KIAA0753: variants seen among roughly 807,000 people sequenced by gnomAD.
KIAA0753 encodes the protein KIAA0753, also known as protein moonraker.
Under a neutral mutation model 116.9 loss-of-function variants are expected in KIAA0753, and 114 were observed. The ratio of observed to expected loss-of-function variants is 0.98; its 90% CI spans 0.84 to 1.14. The LOEUF is 1.14. KIAA0753 is among the 50% of genes most tolerant of loss of function. KIAA0753 has a pLI of 0.00. For synonymous variants in KIAA0753, 405 were observed against 413.1 expected (o/e 0.98, Z 0.24); for missense variants, 1,156 against 1,172.4 (o/e 0.99, Z 0.20).
At chr17:6,635,785 G>C (rs1205520182) in intron 1 of KIAA0753, 2 of 126,916 alleles carry the variant, frequency 1.6e-5, no homozygotes, top group Non-Finnish European at 3.7e-5. Context: ...AAGCTATCAA[G>C]GGCTACACCC....
intron 8 of KIAA0753, among the ~76,000 whole-genome samples, chr17:6,611,149 G>A (rs953892576): frequency 1.3e-5 from 2 of 152,206 alleles, no homozygotes; most frequent in East Asian, 1.9e-4. Context: ...AGGGCCATAA[G>A]TAAGTTTTAA....
At chr17:6,633,250 G>A (rs1412801236) in intron 2 of KIAA0753, among the ~76,000 whole-genome samples, 4 of 152,240 alleles carry the variant, frequency 2.6e-5, no homozygotes, top group Non-Finnish European at 5.9e-5. Flanking sequence ...TGGGAGAAGA[G>A]TATCCAGGAA....
At chr17:6,587,854 CGTGA>C (rs376845763) in intron 18 of KIAA0753, among the ~76,000 whole-genome samples, 1 of 152,278 alleles carries the variant, frequency 6.6e-6, no homozygotes, top group African/African-American at 2.4e-5. Context: ...AAGAGACACA[CGTGA>C]GTGAGAAATG....
chr17:6,623,145 C>A (rs763480298), intron 5 of KIAA0753, 48 bp from the exon 6 acceptor site: 1 of 1,494,696 alleles, frequency 6.7e-7, no homozygotes. Flanking sequence ...TCAGAACTTG[C>A]TAACATTCAC....
In KIAA0753 at chr17:6,590,481, T is replaced by C. The variant is rs183634115; in HGVS notation, c.2561+29A>G. 5.3e-5 allele frequency: 85 copies of C among 1,612,708 alleles called. No individual in the cohort carries two copies. In the African/African-American group the frequency reaches 9.2e-4, roughly 17 times the overall value. On this transcript the variant is annotated intron_variant, in intron 17 of 18. Transcript: ENST00000361413. ...TAACATCAAAGGTGACTGACTAGAA[T>C]GAAATCAGAAAGTGTCTTTGCCACT...
At chr17:6,623,598 A>C in intron 4 of KIAA0753, 27 bp from the exon 5 acceptor site, 2 of 1,597,318 alleles carry the variant, frequency 1.3e-6, no homozygotes, top group Non-Finnish European at 1.7e-6. Context: ...AAAAAAGAAA[A>C]CTTCATACCT....
In KIAA0753 at chr17:6,627,986, A is replaced by C. The variant is rs1457983906; in HGVS notation, c.718+131T>G. The C allele has an allele frequency of 6.0e-6, 5 of 835,348 alleles. No homozygotes were observed. The East Asian group carries it at 1.3e-4, about 22-fold the overall frequency. 51.7% of individuals were successfully genotyped at this position (835,348 alleles called of 1,614,324 possible). On this transcript the variant is annotated intron_variant, in intron 3 of 18. Coordinates refer to ENST00000361413, the MANE Select transcript of KIAA0753 (RefSeq NM_014804.3). ...CCTAACTGTCTTGTCCTGAGTACTC[A>C]CACTCCAGTGAACCAACTCACAGAA...
At chr17:6,594,934 A>C (rs773119519) in intron 16 of KIAA0753, 38 bp downstream of exon 16, 1 of 1,497,142 alleles carries the variant, frequency 6.7e-7, no homozygotes, top group South Asian at 1.2e-5. Flanking sequence ...AATTCTTCAG[A>C]ATAAAATGTT....
chr17:6,609,333 C>T (rs1970388613), intron 9 of KIAA0753, among the ~76,000 whole-genome samples: 1 of 152,236 alleles, frequency 6.6e-6, no homozygotes, highest in African/African-American at 2.4e-5. Context: ...TACTGCCTCA[C>T]GGCAAACGAG....
intron 13 of KIAA0753, among the ~76,000 whole-genome samples, chr17:6,599,618 T>C (rs139995217): frequency 0.021 from 3,144 of 152,270 alleles, 104 homozygotes; most frequent in African/African-American, 0.07. Flanking sequence ...AATGAGGAAG[T>C]TGAACTACTT....
chr17:6,608,690 T>C (rs1049509567), intron 9 of KIAA0753, among the ~76,000 whole-genome samples: 1 of 152,230 alleles, frequency 6.6e-6, no homozygotes, highest in Admixed American at 6.5e-5. Flanking sequence ...CCATCACCAT[T>C]TTAAATGAGA....
At chr17:6,593,192 C>T (rs111895089) in intron 16 of KIAA0753, among the ~76,000 whole-genome samples, 1 of 152,168 alleles carries the variant, frequency 6.6e-6, no homozygotes, top group Non-Finnish European at 1.5e-5. Flanking sequence ...AAAAAACTGA[C>T]AAAAGATTTT....
intron 13 of KIAA0753, 76 bp downstream of exon 13, chr17:6,600,304 T>G (rs1969780354): frequency 8.8e-7 from 1 of 1,140,608 alleles, no homozygotes. Flanking sequence ...AAAGGATCAA[T>G]GAGACCTCTG....
At position 6,617,961 on chromosome 17, in the gene KIAA0753, G is replaced by A. The variant is rs187631243; in HGVS notation, c.1315+2827C>T. Among the ~76,000 whole-genome samples the A allele has an allele frequency of 2.3e-3, 356 of 152,282 alleles. 1 individual carries two copies. Among genetic ancestry groups the A allele is most frequent in the African/African-American group, 8.2e-3 (341 of 41,560 alleles). ...CTACTAAAAATACAAAATTAGCTGG[G>A]CAAGGTGGTGCATGCCTGTAATCCC... On this transcript the variant is annotated intron_variant, in intron 7 of 18. Coordinates refer to ENST00000361413, the MANE Select transcript of KIAA0753 (RefSeq NM_014804.3).
Position 6,602,319 on chromosome 17 carries a change from A to C in KIAA0753, c.2010-1861T>G, listed in dbSNP as rs529343349. ...TTTCTACAAAAAGCCTTGTGCAAGA[A>C]TGTATGTAACAGCTTGATTCATACT... On this transcript the variant is annotated intron_variant, in intron 12 of 18. Coordinates refer to ENST00000361413, the MANE Select transcript of KIAA0753 (RefSeq NM_014804.3). 9.2e-5 allele frequency among the ~76,000 whole-genome samples: 14 copies of C among 152,380 alleles called. No homozygotes were observed. The East Asian group carries it at 2.5e-3, about 27-fold the overall frequency.
chr17:6,595,626 G>T (rs1318156421), intron 15 of KIAA0753, among the ~76,000 whole-genome samples: 2 of 152,256 alleles, frequency 1.3e-5, no homozygotes, highest in African/African-American at 2.4e-5. Context: ...GGCTCTGCCA[G>T]GATTTTTTTG....
At chr17:6,618,785 GA>G (rs1396446831) in intron 7 of KIAA0753, among the ~76,000 whole-genome samples, 11 of 151,846 alleles carry the variant, frequency 7.2e-5, no homozygotes, top group African/African-American at 2.7e-4. Context: ...GAGAAAAAAA[GA>G]AATAAAATAT....
intron 7 of KIAA0753, among the ~76,000 whole-genome samples, chr17:6,614,268 C>G (rs549683787): frequency 3.3e-5 from 5 of 152,274 alleles, no homozygotes; most frequent in African/African-American, 1.2e-4. Context: ...TAGGTATATA[C>G]TCAGGCTAGA....
chr17:6,624,704 G>C, intron 4 of KIAA0753, 51 bp downstream of exon 4: 2 of 1,159,366 alleles, frequency 1.7e-6, no homozygotes, highest in Non-Finnish European at 2.5e-6. Context: ...AACTCTCTAA[G>C]GAAGCAGTAC....
Sources: gnomAD v4.1 joint callset for allele counts (sites outside exome capture counted in the v4.1 genomes callset) on GRCh38, gnomAD v4.1.1 for gene constraint, MANE v1.5 for transcripts, NCBI Gene and HGNC (gene_info 2026-07-23, HGNC 2026-07-21) for gene names.